Variants in GLCCI1 observed in about 807,000 individuals in gnomAD.
The protein encoded by GLCCI1 is glucocorticoid-induced transcript 1 protein.
Under a neutral mutation model 52.2 loss-of-function variants are expected in GLCCI1, and 24 were observed. The observed-to-expected ratio is 0.46, with a 90% CI of 0.33 to 0.65. The LOEUF is 0.65. Ranked by LOEUF, GLCCI1 falls within the 30% of genes least tolerant of loss-of-function variation. The pLI is 0.02. For synonymous variants in GLCCI1, 310 were observed against 276.5 expected, an observed-to-expected ratio of 1.12 and a Z score of -1.20; for missense variants, 704 against 701.5, an observed-to-expected ratio of 1.00 and a Z score of -0.04.
In GLCCI1 at chr7:8,044,367, C is replaced by CTT. The variant is rs60118378; in HGVS notation, c.697-11052_697-11051dup. 4.0e-4 allele frequency among the ~76,000 whole-genome samples: 56 copies of CTT among 140,956 alleles called. 2 individuals carry two copies. The highest frequency in any genetic ancestry group is 1.2e-3 in the Admixed American group (17 of 14,120). 92.5% of individuals were successfully genotyped at this position (140,956 alleles called of 152,430 possible). A position where few individuals can be genotyped will look rare whatever the true frequency, so the allele number is the denominator to read the frequency against. On this transcript the variant is annotated intron_variant, in intron 3 of 7. Coordinates refer to ENST00000223145, the MANE Select transcript of GLCCI1 (RefSeq NM_138426.4). ...AGTATTATATCCATTCCTTTTTGTA[C>CTT]TTTTTTTTTTTTTTTCTTTTGAGAC... is the stretch of plus-strand genomic sequence containing the variant.
intron 1 of GLCCI1, chr7:7,980,499 T>C (rs1780590722): frequency 2.8e-6 from 1 of 358,288 alleles, no homozygotes; most frequent in Non-Finnish European, 5.0e-6. Context: ...AAATAAAATA[T>C]TACAGTTATT....
intron 5 of GLCCI1, among the ~76,000 whole-genome samples, chr7:8,065,049 T>C (rs1782601742): frequency 1.3e-5 from 2 of 152,174 alleles, no homozygotes. Context: ...TTATACTTCC[T>C]ATTCATGAGC....
At chr7:7,992,255 C>A (rs1192139692) in intron 1 of GLCCI1, among the ~76,000 whole-genome samples, 1 of 151,836 alleles carries the variant, frequency 6.6e-6, no homozygotes, top group Admixed American at 6.6e-5. Context: ...TACTATCCTT[C>A]TATGGTCATT....
chr7:8,056,087 C>G (rs1040509535), intron 4 of GLCCI1, among the ~76,000 whole-genome samples: 2 of 151,936 alleles, frequency 1.3e-5, no homozygotes, highest in East Asian at 3.9e-4. Context: ...CACTTGAGGT[C>G]AGGAGTTCGA....
chr7:8,071,020 C>CGCAGCAGTAGCT lies in GLCCI1; in HGVS notation c.1075_1086dup (p.Ser359_Ser362dup), dbSNP rs760933754. On this transcript the variant is annotated inframe_insertion, in exon 6 of 8. Coordinates refer to ENST00000223145, the MANE Select transcript of GLCCI1 (RefSeq NM_138426.4). ...CACTCAGACTCCTTCTGTCCAGGAG[C>CGCAGCAGTAGCT]GCAGCAGTAGCTGCAGCAGTCATTC... 4 of 1,613,826 alleles carry CGCAGCAGTAGCT rather than the reference C, an allele frequency of 2.5e-6. No homozygotes were observed. Among genetic ancestry groups the CGCAGCAGTAGCT allele is most frequent in the Non-Finnish European group, 3.4e-6 (4 of 1,179,812 alleles).
intron 3 of GLCCI1, among the ~76,000 whole-genome samples, chr7:8,025,175 A>C (rs1781587576): frequency 6.6e-6 from 1 of 152,118 alleles, no homozygotes. Context: ...CAGAGAACAG[A>C]GTGGGCTCAG....
At position 8,060,227 on chromosome 7, in the gene GLCCI1, T is replaced by A; in HGVS notation, c.945T>A (p.Asn315Lys). 6.2e-7 allele frequency: 1 copy of A among 1,611,664 alleles called. No homozygotes were observed. The highest frequency in any genetic ancestry group is 8.5e-7 in the Non-Finnish European group (1 of 1,178,030). Residue 315 changes from asparagine to lysine, a missense_variant, in exon 5 of 8, where the codon AAT becomes AAA. Transcript: ENST00000223145. Reference sequence around the variant, plus strand: ...AAAAGGTATTCATTAAAGAAAATAATGGGAAGGAAGAAGTATCCAAGGTAA... The same window carrying A: ...AAAAGGTATTCATTAAAGAAAATAAAGGGAAGGAAGAAGTATCCAAGGTAA... ...ELEKVFIKENNGKEEVSKPLD... is the reference protein window; with the variant it reads ...ELEKVFIKENKGKEEVSKPLD...
chr7:8,051,837 G>A (rs1782265434), intron 3 of GLCCI1, among the ~76,000 whole-genome samples: 2 of 152,122 alleles, frequency 1.3e-5, no homozygotes, highest in Non-Finnish European at 2.9e-5. Flanking sequence ...TGCTTTGTAG[G>A]TGTTCTTTAC....
At chr7:8,085,672 G>A (rs1171532118) in intron 7 of GLCCI1, among the ~76,000 whole-genome samples, 1 of 152,080 alleles carries the variant, frequency 6.6e-6, no homozygotes, top group Non-Finnish European at 1.5e-5. Context: ...GGGAACGGGA[G>A]GAGAGGAAGG....
chr7:8,006,072 A>T (rs1000042849), intron 2 of GLCCI1, among the ~76,000 whole-genome samples: 1 of 152,232 alleles, frequency 6.6e-6, no homozygotes, highest in African/African-American at 2.4e-5. Context: ...TGCTGAGATT[A>T]CAGGCATGCG....
intron 3 of GLCCI1, among the ~76,000 whole-genome samples, chr7:8,052,687 C>T (rs75176653): frequency 0.01 from 1,571 of 152,294 alleles, 24 homozygotes; most frequent in African/African-American, 0.035. Context: ...TTCCAGCTAC[C>T]TCTGATGGTT....
chr7:8,006,219 A>G (rs143766442), intron 2 of GLCCI1, among the ~76,000 whole-genome samples: 6 of 152,374 alleles, frequency 3.9e-5, no homozygotes, highest in African/African-American at 1.4e-4. Context: ...GGAGAAAGCT[A>G]TTCTAAGAAA....
In GLCCI1 at chr7:8,088,916, T is replaced by C. The variant is rs1280896598; in HGVS notation, c.*2378T>C. 6.6e-6 allele frequency: 1 copy of C among 152,658 alleles called. No individual in the cohort carries two copies. Among genetic ancestry groups the C allele is most frequent in the Non-Finnish European group, 1.5e-5 (1 of 68,040 alleles). 9.5% of individuals were successfully genotyped at this position (152,658 alleles called of 1,614,324 possible). ...AGAAATTTGTCAGAAATTGTTTAAA[T>C]TTTGTATATAATTGTACTGTTTAAT... On this transcript the variant is annotated 3_prime_UTR_variant, in exon 8 of 8. Transcript: ENST00000223145.
At chr7:7,999,545 T>C (rs1027473682) in intron 1 of GLCCI1, among the ~76,000 whole-genome samples, 5 of 151,700 alleles carry the variant, frequency 3.3e-5, no homozygotes, top group African/African-American at 1.2e-4. Context: ...AGTTCCAGGC[T>C]GCAGTGAGCT....
intron 5 of GLCCI1, among the ~76,000 whole-genome samples, chr7:8,064,583 G>A (rs1316951224): frequency 6.6e-6 from 1 of 152,144 alleles, no homozygotes; most frequent in Non-Finnish European, 1.5e-5. Flanking sequence ...GGCTGTTCAA[G>A]CTCCTTTTTG....
chr7:8,003,771 A>T lies in GLCCI1; in HGVS notation c.458-137A>T. The stretch of plus-strand genomic sequence containing the variant: ...CATGGTTCATACATTTCATCTGATC[A>T]TACAACAGGGCTATTAGTGTAAATA... On this transcript the variant is annotated intron_variant, in intron 1 of 7. Transcript: ENST00000223145. The T allele has an allele frequency of 1.5e-6, 1 of 661,052 alleles. No individual in the cohort carries two copies. Among genetic ancestry groups the T allele is most frequent in the East Asian group, 2.8e-5 (1 of 36,350 alleles). The allele number at this position is 661,052 out of a possible 1,614,324, so 40.9% of individuals were successfully genotyped here.
At chr7:8,041,507 T>C (rs559481516) in intron 3 of GLCCI1, among the ~76,000 whole-genome samples, 1 of 152,334 alleles carries the variant, frequency 6.6e-6, no homozygotes, top group South Asian at 2.1e-4. Flanking sequence ...GAATAAGATG[T>C]TGTCTAGGAC....
intron 1 of GLCCI1, among the ~76,000 whole-genome samples, chr7:7,984,094 C>G (rs1001492642): frequency 1.2e-4 from 18 of 152,330 alleles, no homozygotes; most frequent in African/African-American, 4.1e-4. Context: ...CAGGGTCTCA[C>G]TCTGTCACCC....
intron 1 of GLCCI1, among the ~76,000 whole-genome samples, chr7:7,975,628 A>G (rs781749111): frequency 6.6e-6 from 1 of 152,202 alleles, no homozygotes; most frequent in Non-Finnish European, 1.5e-5. Flanking sequence ...TGGCACTATT[A>G]CGCTGTGCTG....
Sources: gnomAD v4.1 joint callset for allele counts (sites outside exome capture counted in the v4.1 genomes callset) on GRCh38, gnomAD v4.1.1 for gene constraint, MANE v1.5 for transcripts, NCBI Gene and HGNC (gene_info 2026-07-23, HGNC 2026-07-21) for gene names.